The following BANK1 variants were observed in gnomAD, a reference collection of about 807,000 sequenced individuals.
BANK1 encodes B cell scaffold protein with ankyrin repeats 1.
Under a neutral mutation model 94.5 loss-of-function variants are expected in BANK1, and 95 were observed. That is an observed-to-expected ratio of 1.00 (90% CI 0.85 to 1.19). BANK1 has a LOEUF of 1.19. Ranked by LOEUF, BANK1 falls within the 50% of genes most tolerant of loss-of-function variation. The pLI is 0.00. For missense variants in BANK1, 987 were observed against 932.2 expected (o/e 1.06, Z -0.77); for synonymous variants, 334 against 308.4 (o/e 1.08, Z -0.87).
chr4:101,906,353 A>G (rs945126619), intron 6 of BANK1, among the ~76,000 whole-genome samples: 2 of 152,154 alleles, frequency 1.3e-5, no homozygotes, highest in Admixed American at 1.3e-4. Flanking sequence ...CGGGGGGTAT[A>G]TTCTAAAAGG....
intron 7 of BANK1, among the ~76,000 whole-genome samples, chr4:101,925,709 C>T (rs1723132173): frequency 6.6e-6 from 1 of 151,642 alleles, no homozygotes; most frequent in African/African-American, 2.4e-5. Flanking sequence ...TTTAAAGACC[C>T]TTGGATACCT....
At chr4:102,034,328 T>C (rs893303814) in intron 10 of BANK1, among the ~76,000 whole-genome samples, 3 of 152,194 alleles carry the variant, frequency 2.0e-5, no homozygotes, top group African/African-American at 7.2e-5. Flanking sequence ...GCAGAAAGAC[T>C]TGTGTCCAAA....
chr4:101,987,519 C>G (rs146040559), intron 7 of BANK1, among the ~76,000 whole-genome samples: 73 of 152,206 alleles, frequency 4.8e-4, no homozygotes, highest in African/African-American at 1.8e-3. Context: ...CATATAAATA[C>G]TAAAATATTC....
intron 5 of BANK1, among the ~76,000 whole-genome samples, chr4:101,878,818 T>C (rs1728578919): frequency 6.6e-6 from 1 of 152,000 alleles, no homozygotes; most frequent in Non-Finnish European, 1.5e-5. Flanking sequence ...AACTTACAAA[T>C]ACATGGAAAT....
chr4:101,872,390 G>A (rs908320187), intron 5 of BANK1, among the ~76,000 whole-genome samples: 1 of 152,118 alleles, frequency 6.6e-6, no homozygotes, highest in African/African-American at 2.4e-5. Context: ...AAGCTGTACT[G>A]TAACAGGGGA....
At chr4:101,859,031 C>T (rs565495855) in intron 3 of BANK1, among the ~76,000 whole-genome samples, 2 of 152,260 alleles carry the variant, frequency 1.3e-5, no homozygotes, top group Admixed American at 1.3e-4. Context: ...CCCGTTCATC[C>T]CTTGACTCTG....
At chr4:101,936,322 T>C (rs1723545566) in intron 7 of BANK1, among the ~76,000 whole-genome samples, 1 of 150,420 alleles carries the variant, frequency 6.6e-6, no homozygotes, top group Admixed American at 6.6e-5. Context: ...TACACATATG[T>C]ATCCATACAT....
chr4:101,874,354 G>T (rs1728408968), intron 5 of BANK1, among the ~76,000 whole-genome samples: 1 of 152,138 alleles, frequency 6.6e-6, no homozygotes, highest in South Asian at 2.1e-4. Flanking sequence ...TTGAATTAAA[G>T]CTTAGATGTT....
intron 7 of BANK1, among the ~76,000 whole-genome samples, chr4:101,925,713 G>T (rs908515160): frequency 6.6e-6 from 1 of 151,636 alleles, no homozygotes; most frequent in Non-Finnish European, 1.5e-5. Flanking sequence ...AAGACCCTTG[G>T]ATACCTAAGT....
intron 7 of BANK1, among the ~76,000 whole-genome samples, chr4:101,931,121 T>C (rs1463547981): frequency 6.6e-6 from 1 of 151,592 alleles, no homozygotes; most frequent in Non-Finnish European, 1.5e-5. Context: ...TTGGCTGCTT[T>C]ATTGCCACAG....
chr4:101,819,262 C>A (rs568965880), intron 1 of BANK1, among the ~76,000 whole-genome samples: 1 of 152,172 alleles, frequency 6.6e-6, no homozygotes, highest in African/African-American at 2.4e-5. Flanking sequence ...AGTACACGTG[C>A]CTTTAGGTCA....
chr4:101,852,611 TA>T (rs1727532392), intron 2 of BANK1, among the ~76,000 whole-genome samples: 1 of 150,826 alleles, frequency 6.6e-6, no homozygotes, highest in East Asian at 1.9e-4. Flanking sequence ...AGGAGCCTAC[TA>T]AATTGACAGT....
At chr4:101,952,524 T>A (rs935370705) in intron 7 of BANK1, among the ~76,000 whole-genome samples, 4 of 152,172 alleles carry the variant, frequency 2.6e-5, no homozygotes, top group Admixed American at 6.6e-5. Flanking sequence ...GTTACAATGA[T>A]CATAGTTATA....
chr4:101,934,532 C>T (rs1302449522), intron 7 of BANK1, among the ~76,000 whole-genome samples: 1 of 151,528 alleles, frequency 6.6e-6, no homozygotes, highest in Non-Finnish European at 1.5e-5. Flanking sequence ...ACCAGAGCTA[C>T]TCCTTTGTCT....
chr4:101,953,700 G>C (rs1724247867), intron 7 of BANK1, among the ~76,000 whole-genome samples: 1 of 152,000 alleles, frequency 6.6e-6, no homozygotes, highest in South Asian at 2.1e-4. Context: ...TTTCTATTAA[G>C]TGCAGAAATT....
intron 7 of BANK1, among the ~76,000 whole-genome samples, chr4:101,986,765 G>A (rs918261888): frequency 6.9e-6 from 1 of 144,776 alleles, no homozygotes; most frequent in Non-Finnish European, 1.5e-5. Flanking sequence ...TGCTACATAG[G>A]AAGGTTTTAA....
chr4:102,001,383 C>T (rs978286601), intron 7 of BANK1, among the ~76,000 whole-genome samples: 1 of 152,140 alleles, frequency 6.6e-6, no homozygotes, highest in African/African-American at 2.4e-5. Flanking sequence ...GGGCGGATCA[C>T]GAGGTCAAGA....
chr4:101,805,473 G>A (rs539296689), intron 1 of BANK1, among the ~76,000 whole-genome samples: 1 of 152,070 alleles, frequency 6.6e-6, no homozygotes, highest in East Asian at 1.9e-4. Context: ...AGTACCAAGA[G>A]TGACATTAGA....
chr4:101,953,000 G>A (rs1297112829), intron 7 of BANK1, among the ~76,000 whole-genome samples: 2 of 152,046 alleles, frequency 1.3e-5, no homozygotes, highest in East Asian at 3.9e-4. Flanking sequence ...AGAAGAACTA[G>A]ACAAGGGCTT....
Sources: gnomAD v4.1 joint callset for allele counts (sites outside exome capture counted in the v4.1 genomes callset) on GRCh38, gnomAD v4.1.1 for gene constraint, MANE v1.5 for transcripts, NCBI Gene and HGNC (gene_info 2026-07-23, HGNC 2026-07-21) for gene names.